ALKBH4: variants seen among roughly 807,000 people sequenced by gnomAD.
ALKBH4 encodes alkB homolog 4, lysine demethylase.
Under a neutral mutation model 12.1 loss-of-function variants are expected in ALKBH4, and 8 were observed. That is an observed-to-expected ratio of 0.66 (90% CI 0.39 to 1.19). ALKBH4 has a LOEUF of 1.19. Ranked by LOEUF, ALKBH4 falls within the 50% of genes most tolerant of loss-of-function variation. ALKBH4 has a pLI of 0.01. For missense variants in ALKBH4, 403 were observed against 430.4 expected, an observed-to-expected ratio of 0.94 and a Z score of 0.56; for synonymous variants, 195 against 191.6, an observed-to-expected ratio of 1.02 and a Z score of -0.15.
At chr7:102,459,304 T>G (rs1281590307) in intron 2 of ALKBH4, 1 of 303,042 alleles carries the variant, frequency 3.3e-6, no homozygotes, top group Non-Finnish European at 6.1e-6. Flanking sequence ...CAATGGGAGG[T>G]GGGGGCGCCT....
intron 2 of ALKBH4, among the ~76,000 whole-genome samples, chr7:102,458,752 A>AG (rs71106682): frequency 6.6e-6 from 1 of 150,612 alleles, no homozygotes; most frequent in Admixed American, 6.6e-5. Flanking sequence ...AAAAAAAAAA[A>AG]CCTGTACACA....
chr7:102,461,508 G>A (rs1396456489), intron 1 of ALKBH4, among the ~76,000 whole-genome samples: 3 of 151,830 alleles, frequency 2.0e-5, no homozygotes, highest in East Asian at 3.9e-4. Context: ...CTACAGGTGC[G>A]CGCCACCATG....
intron 1 of ALKBH4, among the ~76,000 whole-genome samples, chr7:102,461,401 C>G (rs1247062930): frequency 1.3e-5 from 2 of 152,096 alleles, no homozygotes; most frequent in African/African-American, 4.8e-5. Flanking sequence ...CGCTCTGTCA[C>G]CAGAACTGGA....
chr7:102,461,822 G>A (rs923735896), intron 1 of ALKBH4, among the ~76,000 whole-genome samples: 3 of 152,130 alleles, frequency 2.0e-5, no homozygotes, highest in African/African-American at 4.8e-5. Context: ...GGTTCTGGCC[G>A]GAGTCACCCA....
At chr7:102,463,484 C>T (rs188363666) in intron 1 of ALKBH4, among the ~76,000 whole-genome samples, 440 of 151,960 alleles carry the variant, frequency 2.9e-3, no homozygotes, top group African/African-American at 0.01. Context: ...TGTGCCTCAC[C>T]AAGCCCGGCA....
rs1480156543 is a variant in ALKBH4 at position 102,459,794 on chromosome 7, T to A, written c.131A>T (p.Tyr44Phe). 5.0e-6 allele frequency: 8 copies of A among 1,597,472 alleles called. No homozygotes were observed. Among genetic ancestry groups the A allele is most frequent in the Non-Finnish European group, 6.8e-6 (8 of 1,171,902 alleles). ...PPWELPPAKT[Y>F]RFIYCSDTGW... ...GGTGTCGGAGCAGTAAATGAAACGG[T>A]ATGTTTTCTGCAAAAGAAACACAAG... The change falls in exon 2 of 3, where the codon TAC becomes TTC. Residue 44 changes from tyrosine to phenylalanine, a missense_variant. Transcript: ENST00000292566.
Position 102,464,708 on chromosome 7 carries a change from C to G in ALKBH4, c.123+6G>C. 1 of 1,534,014 alleles carries G rather than the reference C, an allele frequency of 6.5e-7. No individual in the cohort carries two copies. The highest frequency in any genetic ancestry group is 8.7e-7 in the Non-Finnish European group (1 of 1,143,650). On this transcript the variant is annotated splice_donor_region_variant and intron_variant, in intron 1 of 2. Coordinates refer to ENST00000292566, the MANE Select transcript of ALKBH4 (RefSeq NM_017621.4). ...TTGTGGGCGCGGCCCCTCTCCCACC[C>G]CTTACCGCTGGGGGCAGCTCCCAGG...
chr7:102,464,849 G>T lies in ALKBH4; in HGVS notation c.-13C>A. ...CAGCCGCCGCCATCGCGCCGTCCGC[G>T]TGGCCAGTGCGCAGGCGCGGCCGTG... is the stretch of plus-strand genomic sequence containing the variant. On this transcript the variant is annotated 5_prime_UTR_variant, in exon 1 of 3. Coordinates refer to ENST00000292566, the MANE Select transcript of ALKBH4 (RefSeq NM_017621.4). 1 of 1,500,106 alleles carries T rather than the reference G, an allele frequency of 6.7e-7. No individual in the cohort carries two copies. 92.9% of individuals were successfully genotyped at this position (1,500,106 alleles called of 1,614,324 possible).
In ALKBH4 at chr7:102,459,490, C is replaced by T. The variant is rs1797743250; in HGVS notation, c.321+114G>A. 4.4e-6 allele frequency: 6 copies of T among 1,361,062 alleles called. 1 individual carries two copies. In the South Asian group the frequency reaches 8.5e-5, roughly 19 times the overall value. 84.3% of individuals were successfully genotyped at this position (1,361,062 alleles called of 1,614,324 possible). A position where few individuals can be genotyped will look rare whatever the true frequency, so the allele number is the denominator to read the frequency against. ...CCCCAAGGTCTGGGGAACTCGCCCA[C>T]TACCAACCCTGGAGGTTTGAGGGGT... On this transcript the variant is annotated intron_variant, in intron 2 of 2. Transcript: ENST00000292566.
At chr7:102,461,067 T>C (rs988945377) in intron 1 of ALKBH4, among the ~76,000 whole-genome samples, 4 of 152,134 alleles carry the variant, frequency 2.6e-5, no homozygotes, top group African/African-American at 9.6e-5. Context: ...CCAGGCACGG[T>C]GGCTCACACC....
chr7:102,462,955 CTTTTTT>C (rs200495061), intron 1 of ALKBH4, among the ~76,000 whole-genome samples: 1,707 of 121,902 alleles, frequency 0.014, 27 homozygotes, highest in African/African-American at 0.052. Flanking sequence ...TCAAAATGTC[CTTTTTT>C]TTTTTTTTTT....
chr7:102,461,945 T>C (rs1797807426), intron 1 of ALKBH4, among the ~76,000 whole-genome samples: 1 of 152,204 alleles, frequency 6.6e-6, no homozygotes, highest in Admixed American at 6.5e-5. Flanking sequence ...TGTGGGCCGC[T>C]GTCTTTCTCT....
Position 102,464,860 on chromosome 7 carries a change from G to C in ALKBH4, c.-24C>G. The C allele has an allele frequency of 6.9e-7, 1 of 1,458,200 alleles. No homozygotes were observed. Among genetic ancestry groups the C allele is most frequent in the Non-Finnish European group, 9.0e-7 (1 of 1,111,688 alleles). The allele number at this position is 1,458,200 out of a possible 1,614,324, so 90.3% of individuals were successfully genotyped here. On this transcript the variant is annotated 5_prime_UTR_variant, in exon 1 of 3. Coordinates refer to ENST00000292566, the MANE Select transcript of ALKBH4 (RefSeq NM_017621.4). ...ATCGCGCCGTCCGCGTGGCCAGTGCGCAGGCGCGGCCGTGGGGGCCGCTGG... is the reference window on the plus strand; with the variant it reads ...ATCGCGCCGTCCGCGTGGCCAGTGCCCAGGCGCGGCCGTGGGGGCCGCTGG...
Position 102,461,204 on chromosome 7 carries a change from G to C in ALKBH4, c.124-1403C>G, listed in dbSNP as rs919735580. Among the ~76,000 whole-genome samples, 3 of 151,948 alleles carry C rather than the reference G, an allele frequency of 2.0e-5. No homozygotes were observed. In the East Asian group the frequency reaches 5.9e-4, roughly 30 times the overall value. On this transcript the variant is annotated intron_variant, in intron 1 of 2. Transcript: ENST00000292566. The stretch of plus-strand genomic sequence containing the variant: ...ATACAAAAACTAGCCGGGCGTCGTG[G>C]TGCATGCCTGTAATCCCAGCTACTC...
Position 102,459,939 on chromosome 7 carries a change from A to T in ALKBH4, c.124-138T>A. ...GAGGCCGAGGTGGGTGGATCACCTGAGGTCAGGAGTTCAAGACCAGCCTGG... is the reference window on the plus strand; with the variant it reads ...GAGGCCGAGGTGGGTGGATCACCTGTGGTCAGGAGTTCAAGACCAGCCTGG... On this transcript the variant is annotated intron_variant, in intron 1 of 2. Transcript: ENST00000292566. 9 of 699,454 alleles carry T rather than the reference A, an allele frequency of 1.3e-5. No homozygotes were observed. The South Asian group carries it at 1.8e-4, about 14-fold the overall frequency. 43.3% of individuals were successfully genotyped at this position (699,454 alleles called of 1,614,324 possible).
chr7:102,463,670 G>A (rs1003029816), intron 1 of ALKBH4, among the ~76,000 whole-genome samples: 3 of 152,286 alleles, frequency 2.0e-5, no homozygotes, highest in African/African-American at 7.2e-5. Context: ...CCATCTTTGG[G>A]CTGTCATGAA....
At position 102,463,322 on chromosome 7, in the gene ALKBH4, CTT is replaced by C. The variant is rs71106683; in HGVS notation, c.123+1390_123+1391del. 9.1e-3 allele frequency among the ~76,000 whole-genome samples: 531 copies of C among 58,206 alleles called. 1 individual carries two copies. The highest frequency in any genetic ancestry group is 0.037 in the African/African-American group (495 of 13,348). The allele number at this position is 58,206 out of a possible 152,430, so 38.2% of individuals were successfully genotyped here. On this transcript the variant is annotated intron_variant, in intron 1 of 2. Coordinates refer to ENST00000292566, the MANE Select transcript of ALKBH4 (RefSeq NM_017621.4). ...CCACATTTTGTGGATCAAGTCATCT[CTT>C]TTTTTTTTTTTTTTTTTTTTTTTGA...
intron 2 of ALKBH4, among the ~76,000 whole-genome samples, chr7:102,458,914 T>C (rs1352467113): frequency 6.6e-6 from 1 of 151,936 alleles, no homozygotes; most frequent in Non-Finnish European, 1.5e-5. Flanking sequence ...TTTGGGAGGC[T>C]GAGGCGGGCG....
At chr7:102,464,440 C>G (rs999280890) in intron 1 of ALKBH4, among the ~76,000 whole-genome samples, 1 of 152,186 alleles carries the variant, frequency 6.6e-6, no homozygotes, top group East Asian at 1.9e-4. Context: ...GCCCGTGAAG[C>G]TCCCAGCGCC....
Sources: allele counts gnomAD v4.1 joint callset (sites outside exome capture counted in the v4.1 genomes callset), GRCh38; gene constraint gnomAD v4.1.1; transcripts MANE v1.5; gene names NCBI Gene and HGNC (gene_info 2026-07-23, HGNC 2026-07-21).